Variants in MRPS35 observed in about 807,000 individuals in gnomAD.
MRPS35 encodes mitochondrial ribosomal protein S35, also known as small ribosomal subunit protein mS35.
Under a neutral mutation model 32.7 loss-of-function variants are expected in MRPS35, and 29 were observed. The observed-to-expected ratio is 0.89, with a 90% CI of 0.66 to 1.21. The LOEUF (loss-of-function observed/expected upper bound fraction) is 1.21. Ranked by LOEUF, MRPS35 falls within the 50% of genes most tolerant of loss-of-function variation. The probability of loss-of-function intolerance (pLI) is 0.00; values close to 1 mark genes in which losing one functional copy is unlikely to be tolerated. For synonymous variants in MRPS35, 148 were observed against 139.3 expected, an observed-to-expected ratio of 1.06 and a Z score of -0.44; for missense variants, 373 against 383.8, an observed-to-expected ratio of 0.97 and a Z score of 0.23.
At chr12:27,739,597 T>G (rs752777714) in intron 7 of MRPS35, among the ~76,000 whole-genome samples, 2 of 152,224 alleles carry the variant, frequency 1.3e-5, no homozygotes, top group Non-Finnish European at 2.9e-5. Flanking sequence ...AAGAGCAACA[T>G]CAGAATAGCA....
At chr12:27,752,604 A>G (rs2062010214) in intron 7 of MRPS35, among the ~76,000 whole-genome samples, 1 of 152,230 alleles carries the variant, frequency 6.6e-6, no homozygotes, top group Non-Finnish European at 1.5e-5. Flanking sequence ...TAGATTAAGT[A>G]TATTTTACCC....
intron 7 of MRPS35, among the ~76,000 whole-genome samples, 164 bp downstream of exon 7, chr12:27,737,772 A>G (rs2061948375): frequency 6.6e-6 from 1 of 152,206 alleles, no homozygotes; most frequent in African/African-American, 2.4e-5. Flanking sequence ...CTTTAAAAGT[A>G]AAGGTCTTGA....
chr12:27,721,095 G>C (rs1428761097), intron 4 of MRPS35, among the ~76,000 whole-genome samples: 1 of 152,182 alleles, frequency 6.6e-6, no homozygotes, highest in African/African-American at 2.4e-5. Flanking sequence ...TCCTGATTAT[G>C]TTGGGAAGGA....
Position 27,740,181 on chromosome 12 carries a change from TAGAG to T in MRPS35, c.702+2576_702+2579del, listed in dbSNP as rs202004513. Among the ~76,000 whole-genome samples the T allele has an allele frequency of 5.1e-4, 78 of 152,330 alleles. No individual in the cohort carries two copies. In the East Asian group the frequency reaches 9.4e-3, roughly 18 times the overall value. ...ATGTTATCACCGTTATTTAATCAAA[TAGAG>T]AGCCTCTTTTTAATCCATTGCTTGA... On this transcript the variant is annotated intron_variant, in intron 7 of 7. Coordinates refer to ENST00000081029, the MANE Select transcript of MRPS35 (RefSeq NM_021821.4).
intron 1 of MRPS35, among the ~76,000 whole-genome samples, chr12:27,714,049 T>TGGGC (rs2061839075): frequency 7.5e-6 from 1 of 133,292 alleles, no homozygotes; most frequent in South Asian, 2.3e-4. Flanking sequence ...CAATCCAGCC[T>TGGGC]GGGCGAGAGT....
chr12:27,721,677 T>C (rs2061876072), intron 4 of MRPS35, among the ~76,000 whole-genome samples: 1 of 152,004 alleles, frequency 6.6e-6, no homozygotes, highest in Non-Finnish European at 1.5e-5. Context: ...AAAAATAAAA[T>C]AAAATAACAA....
intron 5 of MRPS35, among the ~76,000 whole-genome samples, chr12:27,732,987 G>T (rs938622062): frequency 1.7e-5 from 2 of 120,630 alleles, no homozygotes; most frequent in African/African-American, 3.3e-5. Context: ...GTCATTTGAA[G>T]ATATATATAT....
chr12:27,741,527 A>G (rs1227356262), intron 7 of MRPS35, among the ~76,000 whole-genome samples: 1 of 152,208 alleles, frequency 6.6e-6, no homozygotes, highest in Non-Finnish European at 1.5e-5. Flanking sequence ...CCCAATTTCT[A>G]TTAATATATA....
chr12:27,747,491 G>A (rs533522394), intron 7 of MRPS35, among the ~76,000 whole-genome samples: 1 of 140,668 alleles, frequency 7.1e-6, no homozygotes, highest in African/African-American at 2.6e-5. Context: ...AGCTTTGGTA[G>A]CTGAAAGAAT....
chr12:27,718,759 A>G (rs542654187), intron 3 of MRPS35, among the ~76,000 whole-genome samples: 2 of 152,302 alleles, frequency 1.3e-5, no homozygotes, highest in East Asian at 3.9e-4. Context: ...CTGTCATGCT[A>G]TGCAGCCCAG....
At chr12:27,726,612 T>C (rs932656481) in intron 5 of MRPS35, among the ~76,000 whole-genome samples, 1 of 152,154 alleles carries the variant, frequency 6.6e-6, no homozygotes, top group Non-Finnish European at 1.5e-5. Flanking sequence ...ATTTTACAAT[T>C]TCACCAGCAA....
At chr12:27,746,349 A>C (rs1041802916) in intron 7 of MRPS35, among the ~76,000 whole-genome samples, 1 of 152,228 alleles carries the variant, frequency 6.6e-6, no homozygotes, top group African/African-American at 2.4e-5. Flanking sequence ...ATGATGCTCA[A>C]AAGAGCGTTT....
intron 5 of MRPS35, among the ~76,000 whole-genome samples, chr12:27,727,098 C>G (rs554583592): frequency 1.3e-5 from 2 of 151,514 alleles, no homozygotes; most frequent in South Asian, 4.2e-4. Context: ...GTAGCTAGAA[C>G]TACAGGCACC....
intron 7 of MRPS35, chr12:27,753,134 A>G (rs1425736897): frequency 6.6e-6 from 1 of 152,198 alleles, no homozygotes; most frequent in Non-Finnish European, 1.5e-5. Context: ...GACGCTGTCC[A>G]CAGCCATAAA....
chr12:27,718,573 T>C (rs1171241034), intron 3 of MRPS35, among the ~76,000 whole-genome samples: 1 of 152,226 alleles, frequency 6.6e-6, no homozygotes, highest in Non-Finnish European at 1.5e-5. Flanking sequence ...TAATTATTTA[T>C]TTGAAGAAAT....
chr12:27,714,421 A>G (rs2061841194), intron 1 of MRPS35, among the ~76,000 whole-genome samples: 1 of 152,026 alleles, frequency 6.6e-6, no homozygotes, highest in Non-Finnish European at 1.5e-5. Flanking sequence ...CTCTATCTCT[A>G]CTAAAAATAC....
In MRPS35 at chr12:27,710,868, T is replaced by G. The variant is rs1364040256; in HGVS notation, c.25T>G (p.Trp9Gly). The change falls in exon 1 of 8, where the codon TGG (tryptophan) becomes GGG (glycine). Residue 9 changes from tryptophan to glycine, a missense_variant. By Grantham distance (184) the Trp-to-Gly change is radical. Coordinates refer to ENST00000081029, the MANE Select transcript of MRPS35 (RefSeq NM_021821.4). The part of the protein sequence containing the change: MAAAALPA[W>G]LSLQSRARTL... Reference sequence around the variant, plus strand: ...CATGGCGGCCGCCGCGCTCCCAGCATGGCTGTCTCTGCAGTCGAGGGCAAG... The same window carrying G: ...CATGGCGGCCGCCGCGCTCCCAGCAGGGCTGTCTCTGCAGTCGAGGGCAAG... 2 of 1,610,276 alleles carry G rather than the reference T, an allele frequency of 1.2e-6. No homozygotes were observed. The highest frequency in any genetic ancestry group is 1.7e-6 in the Non-Finnish European group (2 of 1,179,810).
intron 7 of MRPS35, among the ~76,000 whole-genome samples, chr12:27,754,115 G>T (rs959942289): frequency 1.3e-5 from 2 of 152,020 alleles, no homozygotes; most frequent in Non-Finnish European, 2.9e-5. Context: ...TTAGCTGGGC[G>T]TGGTGGTGGG....
intron 5 of MRPS35, among the ~76,000 whole-genome samples, chr12:27,730,112 T>C (rs1044971298): frequency 1.3e-5 from 2 of 152,254 alleles, no homozygotes; most frequent in Admixed American, 6.5e-5. Flanking sequence ...TCACAACTAG[T>C]GAATTAATAT....
Sources: allele counts gnomAD v4.1 joint callset (sites outside exome capture counted in the v4.1 genomes callset), GRCh38; gene constraint gnomAD v4.1.1; transcripts MANE v1.5; gene names NCBI Gene and HGNC (gene_info 2026-07-23, HGNC 2026-07-21).